MYH13: variants seen among roughly 807,000 people sequenced by gnomAD.
MYH13 encodes the protein myosin-13.
In MYH13, 177 loss-of-function variants were observed where a neutral mutation model predicts 232.1. The observed-to-expected ratio is 0.76, with a 90% CI of 0.67 to 0.86. MYH13 has a LOEUF of 0.86. Ranked by LOEUF, MYH13 falls within the 40% of genes least tolerant of loss-of-function variation. The pLI is 0.00. For synonymous variants in MYH13, 884 were observed against 923.5 expected (o/e 0.96, Z 0.78); for missense variants, 2,246 against 2,405.9 (o/e 0.93, Z 1.39).
At chr17:10,339,782 A>G (rs1279361893) in intron 18 of MYH13, among the ~76,000 whole-genome samples, 1 of 152,210 alleles carries the variant, frequency 6.6e-6, no homozygotes, top group Non-Finnish European at 1.5e-5. Context: ...ACACTTAGAC[A>G]TTTTTCATTG....
rs1308976809 is a variant in MYH13 at position 10,343,854 on chromosome 17, A to G, written c.1840T>C (p.Ser614Pro). ...AGGAAGGAGAGAAGCTTCAGCGAAG[A>G]CTTCTGGTACAGCCCCACCACAGTC... ...NETVVGLYQKSSLKLLSFLFS... is the reference protein window; with the variant it reads ...NETVVGLYQKPSLKLLSFLFS... Residue 614 changes from serine to proline, a missense_variant, in exon 16 of 41, where the codon TCT becomes CCT. Physicochemically the swap from Ser to Pro is moderately conservative, Grantham distance 74. Transcript: ENST00000252172. The G allele has an allele frequency of 6.2e-7, 1 of 1,611,198 alleles. No homozygotes were observed. Among genetic ancestry groups the G allele is most frequent in the Non-Finnish European group, 8.5e-7 (1 of 1,178,250 alleles).
chr17:10,318,875 T>G lies in MYH13; in HGVS notation c.3653A>C (p.Lys1218Thr). Residue 1218 changes from lysine (K) to threonine (T), a missense_variant, in exon 27 of 41, where the codon AAG (lysine) becomes ACG (threonine). By Grantham distance (78) the Lys-to-Thr change is moderately conservative. Coordinates refer to ENST00000252172, the MANE Select transcript of MYH13 (RefSeq NM_003802.3). ...GEQIDNLQRV[K>T]QKLEKEKSEL... Reference sequence around the variant, plus strand: ...GCTCTTCTCCTTCTCCAGCTTCTGCTTCACCCGCTGCAGGTTGTCAATCTG... The same window carrying G: ...GCTCTTCTCCTTCTCCAGCTTCTGCGTCACCCGCTGCAGGTTGTCAATCTG... The G allele has an allele frequency of 6.2e-7, 1 of 1,614,136 alleles. No homozygotes were observed. Among genetic ancestry groups the G allele is most frequent in the South Asian group, 1.1e-5 (1 of 91,082 alleles).
chr17:10,308,765 A>G (rs892245021), intron 35 of MYH13, among the ~76,000 whole-genome samples: 2 of 152,150 alleles, frequency 1.3e-5, no homozygotes, highest in African/African-American at 4.8e-5. Context: ...TCTGTTGCCC[A>G]GGCTGGAGTG....
intron 23 of MYH13, among the ~76,000 whole-genome samples, chr17:10,323,779 AAAAAAAAAAAGAAGAAGAAGAAGAAG>A (rs1181915648): frequency 1.9e-4 from 19 of 100,874 alleles, no homozygotes; most frequent in East Asian, 3.5e-4. Context: ...AAAAAAAAAA[AAAAAAAAAAAGAAGAAGAAGAAGAAG>A]AAGAAGAAGA....
intron 35 of MYH13, among the ~76,000 whole-genome samples, chr17:10,308,327 C>CAAAA (rs35385439): frequency 8.1e-6 from 1 of 123,802 alleles, no homozygotes; most frequent in Non-Finnish European, 1.7e-5. Flanking sequence ...TGCTCTGTCT[C>CAAAA]AAAAAAAAAA....
chr17:10,312,654 C>T lies in MYH13; in HGVS notation c.4285G>A (p.Val1429Met). ...EKTKQRLQGE[V>M]EDLMRDLERS... ...TCCAGATCCCGCATCAGATCCTCCA[C>T]CTCTCCCTGCAGCCTCTGCTTGGTT... The change falls in exon 31 of 41, where the codon GTG (valine) becomes ATG (methionine). Residue 1429 changes from valine to methionine, a missense_variant. By Grantham distance (21) the Val-to-Met change is conservative (BLOSUM62 1). Coordinates refer to ENST00000252172, the MANE Select transcript of MYH13 (RefSeq NM_003802.3). The T allele has an allele frequency of 6.2e-7, 1 of 1,613,466 alleles. No homozygotes were observed. The highest frequency in any genetic ancestry group is 8.5e-7 in the Non-Finnish European group (1 of 1,179,726).
chr17:10,309,561 C>A lies in MYH13; in HGVS notation c.4926G>T (p.Glu1642Asp), dbSNP rs1906427227. Residue 1642 changes from glutamate (E) to aspartate (D), a missense_variant, in exon 34 of 41, where the codon GAG becomes GAT. Transcript: ENST00000252172. ...QLGHSNRQMA[E>D]TQKHLRTVQG... The stretch of plus-strand genomic sequence containing the variant: ...GGACCGTGCGCAGATGCTTCTGGGT[C>A]TCTGCCATCTGGCGGTTGGAGTGGC... The A allele has an allele frequency of 1.9e-6, 3 of 1,612,890 alleles. No homozygotes were observed. The highest frequency in any genetic ancestry group is 2.5e-6 in the Non-Finnish European group (3 of 1,179,538).
rs765484507 is a variant in MYH13 at position 10,312,771 on chromosome 17, A to AC, written c.4182-15_4182-14insG. The AC allele has an allele frequency of 2.6e-6, 4 of 1,524,542 alleles. No homozygotes were observed. The highest frequency in any genetic ancestry group is 3.6e-6 in the Non-Finnish European group (4 of 1,122,922). 94.4% of individuals were successfully genotyped at this position (1,524,542 alleles called of 1,614,324 possible). A position where few individuals can be genotyped will look rare whatever the true frequency, so the allele number is the denominator to read the frequency against. ...GCCAGTTTTTTCCTACGAAAACCAG[A>AC]TTTTTTTTTTCCCCTTCGCAAAGGT... is the stretch of plus-strand genomic sequence containing the variant. On this transcript the variant is annotated splice_polypyrimidine_tract_variant and intron_variant, in intron 30 of 40. Transcript: ENST00000252172.
intron 21 of MYH13, among the ~76,000 whole-genome samples, chr17:10,329,879 A>G (rs1324140398): frequency 1.3e-5 from 2 of 152,154 alleles, no homozygotes; most frequent in Non-Finnish European, 2.9e-5. Flanking sequence ...GCATGCCTGT[A>G]ATCCCAGCTA....
At chr17:10,303,055 A>C in intron 39 of MYH13, 141 bp downstream of exon 39, 1 of 699,648 alleles carries the variant, frequency 1.4e-6, no homozygotes, top group Non-Finnish European at 2.5e-6. Flanking sequence ...GGAAGAGGGC[A>C]GTTGTCTCTG....
intron 37 of MYH13, among the ~76,000 whole-genome samples, chr17:10,305,804 C>T (rs993285697): frequency 9.9e-5 from 15 of 152,130 alleles, no homozygotes; most frequent in Non-Finnish European, 1.0e-4. Context: ...CTGCAGGATA[C>T]GCTCCCAGAT....
chr17:10,302,874 C>T (rs1011828796), intron 39 of MYH13, among the ~76,000 whole-genome samples: 3 of 149,934 alleles, frequency 2.0e-5, no homozygotes, highest in Non-Finnish European at 4.4e-5. Flanking sequence ...TGGGGTGGTT[C>T]GGGAGAGTCA....
At chr17:10,328,367 G>A (rs1364829889) in intron 21 of MYH13, among the ~76,000 whole-genome samples, 1 of 152,172 alleles carries the variant, frequency 6.6e-6, no homozygotes, top group Non-Finnish European at 1.5e-5. Context: ...TGGTCACCTG[G>A]CTGCCCTTCC....
At chr17:10,361,755 C>A (rs146830384) in intron 5 of MYH13, among the ~76,000 whole-genome samples, 1 of 152,176 alleles carries the variant, frequency 6.6e-6, no homozygotes, top group Non-Finnish European at 1.5e-5. Flanking sequence ...TGGGGAAGAA[C>A]GCAGGAACAC....
chr17:10,326,905 A>G (rs897312764), intron 22 of MYH13, among the ~76,000 whole-genome samples: 5 of 135,386 alleles, frequency 3.7e-5, no homozygotes, highest in African/African-American at 1.4e-4. Flanking sequence ...AACCTCGACT[A>G]CCTGGGCTCA....
intron 35 of MYH13, 27 bp downstream of exon 35, chr17:10,309,207 T>G (rs996656979): frequency 6.2e-7 from 1 of 1,606,240 alleles, no homozygotes; most frequent in African/African-American, 1.3e-5. Flanking sequence ...GGGTGGACCT[T>G]CAGCGGAGGA....
Position 10,306,028 on chromosome 17 carries a change from G to A in MYH13, c.5466+431C>T, listed in dbSNP as rs1274904888. Among the ~76,000 whole-genome samples, 2 of 152,280 alleles carry A rather than the reference G, an allele frequency of 1.3e-5. No homozygotes were observed. Among genetic ancestry groups the A allele is most frequent in the African/African-American group, 2.4e-5 (1 of 41,552 alleles). On this transcript the variant is annotated intron_variant, in intron 37 of 40. Transcript: ENST00000252172. The surrounding 1 kb of genome is among the most constrained non-coding windows in gnomAD (Gnocchi z 4.3). Reference sequence around the variant, plus strand: ...AAACTGCAGATTTTATGTAGGATGGGCTGTGTTGATCAAAGTGAAGCTTGG... The same window carrying A: ...AAACTGCAGATTTTATGTAGGATGGACTGTGTTGATCAAAGTGAAGCTTGG...
In MYH13 at chr17:10,312,688, C is replaced by A. The variant is rs762888115; in HGVS notation, c.4251G>T (p.Ser1417=). Residue 1417 remains serine (S), a synonymous_variant, in exon 31 of 41, where the codon TCG becomes TCT. Transcript: ENST00000252172. ...NTETANSKCA[S]LEKTKQRLQG... The stretch of plus-strand genomic sequence containing the variant: ...GCAGCCTCTGCTTGGTTTTCTCCAA[C>A]GATGCGCACTTGGAGTTCGCCGTCT... The A allele has an allele frequency of 1.2e-6, 2 of 1,613,562 alleles. No homozygotes were observed. Among genetic ancestry groups the A allele is most frequent in the Non-Finnish European group, 8.5e-7 (1 of 1,179,790 alleles).
In MYH13 at chr17:10,304,919, C is replaced by T. The variant is rs1906224736; in HGVS notation, c.5467-1421G>A. Reference sequence around the variant, plus strand: ...ATTGAAGCCAGGGAGGGGCAGCAGCCAGCTGCATGCTCCACTCCACTGGGA... The same window carrying T: ...ATTGAAGCCAGGGAGGGGCAGCAGCTAGCTGCATGCTCCACTCCACTGGGA... On this transcript the variant is annotated intron_variant, in intron 37 of 40. Coordinates refer to ENST00000252172, the MANE Select transcript of MYH13 (RefSeq NM_003802.3). This position sits in a 1 kb window ranked among gnomAD's most constrained non-coding sequence, Gnocchi z 5.3. Among the ~76,000 whole-genome samples, 1 of 152,164 alleles carries T rather than the reference C, an allele frequency of 6.6e-6. No individual in the cohort carries two copies. Among genetic ancestry groups the T allele is most frequent in the Non-Finnish European group, 1.5e-5 (1 of 68,030 alleles).
Sources: gnomAD v4.1 joint callset for allele counts (sites outside exome capture counted in the v4.1 genomes callset) on GRCh38, gnomAD v4.1.1 for gene constraint, Gnocchi (gnomAD v3.1) non-coding constraint, MANE v1.5 for transcripts, NCBI Gene and HGNC (gene_info 2026-07-23, HGNC 2026-07-21) for gene names.